The following CEP89 variants were observed in gnomAD, a reference collection of about 807,000 sequenced individuals.
CEP89 encodes centrosomal protein of 89 kDa.
In CEP89, 95 loss-of-function variants were observed where a neutral mutation model predicts 97.6. That is an observed-to-expected ratio of 0.97 (90% CI 0.82 to 1.15). The LOEUF (loss-of-function observed/expected upper bound fraction) is 1.15, where lower values mean the gene tolerates loss of function less well. Among genes scored for constraint, CEP89 ranks in the 50% most tolerant of loss-of-function variants. The pLI is 0.00. For synonymous variants in CEP89, 354 were observed against 349.1 expected (o/e 1.01, Z -0.16); for missense variants, 869 against 947.7 (o/e 0.92, Z 1.09).
chr19:32,891,871 G>A (rs945425155), intron 16 of CEP89, among the ~76,000 whole-genome samples: 7 of 148,040 alleles, frequency 4.7e-5, no homozygotes, highest in Non-Finnish European at 1.0e-4. Context: ...GCAAAAGAAA[G>A]AGAGAAAAAT....
At chr19:32,922,965 G>A (rs1013155752) in intron 12 of CEP89, among the ~76,000 whole-genome samples, 1 of 152,254 alleles carries the variant, frequency 6.6e-6, no homozygotes, top group Non-Finnish European at 1.5e-5. Flanking sequence ...TGCAGAAGGG[G>A]CTTTCGGAGG....
intron 2 of CEP89, among the ~76,000 whole-genome samples, chr19:32,962,557 G>C (rs1272178546): frequency 6.6e-6 from 1 of 152,092 alleles, no homozygotes; most frequent in Non-Finnish European, 1.5e-5. Context: ...CCTTAGGTTA[G>C]GTAAATATTT....
intron 12 of CEP89, among the ~76,000 whole-genome samples, chr19:32,920,634 C>A (rs973596534): frequency 3.0e-4 from 45 of 152,106 alleles, no homozygotes; most frequent in Non-Finnish European, 2.5e-4. Context: ...CAGGCGTGCA[C>A]CACCACACCT....
chr19:32,915,965 C>G (rs995927836), intron 13 of CEP89, among the ~76,000 whole-genome samples: 1 of 148,444 alleles, frequency 6.7e-6, no homozygotes, highest in Admixed American at 6.8e-5. Context: ...TAAATTAACA[C>G]CAAAGGCTTT....
chr19:32,922,481 T>G (rs1055390192), intron 12 of CEP89, among the ~76,000 whole-genome samples: 1 of 151,932 alleles, frequency 6.6e-6, no homozygotes, highest in Non-Finnish European at 1.5e-5. Context: ...AGGTTGAGGC[T>G]GCAGTGAGGT....
At chr19:32,934,382 G>C (rs1970538815) in intron 7 of CEP89, among the ~76,000 whole-genome samples, 1 of 152,194 alleles carries the variant, frequency 6.6e-6, no homozygotes, top group Admixed American at 6.5e-5. Context: ...GGTCACATAG[G>C]ACCTTAAGAA....
chr19:32,915,295 A>C lies in CEP89; in HGVS notation c.1565+42T>G, dbSNP rs768582416. On this transcript the variant is annotated intron_variant, in intron 14 of 18. Transcript: ENST00000305768. ...GCAACATAGCAAGACCCTGTCTCGA[A>C]AAAAGAAAAAAAAAAAAAAAGAAAA... 6 of 1,531,188 alleles carry C rather than the reference A, an allele frequency of 3.9e-6. No homozygotes were observed. The Admixed American group carries it at 1.3e-4, about 32-fold the overall frequency. 94.9% of individuals were successfully genotyped at this position (1,531,188 alleles called of 1,614,324 possible). A position where few individuals can be genotyped will look rare whatever the true frequency, so the allele number is the denominator to read the frequency against.
At chr19:32,880,990 G>A (rs2145864758) in intron 18 of CEP89, among the ~76,000 whole-genome samples, 1 of 152,268 alleles carries the variant, frequency 6.6e-6, no homozygotes, top group East Asian at 1.9e-4. Flanking sequence ...AGGGGTGGGT[G>A]GGAGACCTGC....
intron 3 of CEP89, among the ~76,000 whole-genome samples, chr19:32,959,525 G>A (rs879763577): frequency 3.3e-5 from 5 of 152,194 alleles, no homozygotes; most frequent in African/African-American, 1.2e-4. Context: ...CACGTGAGAG[G>A]TAAGGAGGGA....
At chr19:32,910,357 T>A (rs1020366795) in intron 14 of CEP89, among the ~76,000 whole-genome samples, 3 of 151,214 alleles carry the variant, frequency 2.0e-5, no homozygotes, top group African/African-American at 7.3e-5. Context: ...ACAGGGCACT[T>A]AACCATGAAT....
intron 12 of CEP89, among the ~76,000 whole-genome samples, chr19:32,921,426 A>G (rs1970247794): frequency 2.6e-5 from 4 of 152,190 alleles, no homozygotes; most frequent in African/African-American, 9.6e-5. Context: ...GCTGGCGGCC[A>G]GGGAGGCCCT....
intron 9 of CEP89, among the ~76,000 whole-genome samples, chr19:32,927,738 C>G (rs1489080528): frequency 6.6e-6 from 1 of 151,662 alleles, no homozygotes; most frequent in African/African-American, 2.4e-5. Context: ...CTGAGCAGCT[C>G]AGACTACAAG....
chr19:32,895,536 C>G (rs1286136246), intron 16 of CEP89, among the ~76,000 whole-genome samples: 1 of 152,036 alleles, frequency 6.6e-6, no homozygotes, highest in African/African-American at 2.4e-5. Context: ...AAGCAAAAAG[C>G]CTTTCCTCTC....
chr19:32,967,461 C>T (rs969518815), intron 1 of CEP89, among the ~76,000 whole-genome samples: 3 of 139,716 alleles, frequency 2.1e-5, no homozygotes, highest in African/African-American at 8.1e-5. Flanking sequence ...TATTACAGAA[C>T]ATAGAATTAT....
chr19:32,945,868 CT>C (rs1352919215), intron 5 of CEP89, among the ~76,000 whole-genome samples: 1 of 152,160 alleles, frequency 6.6e-6, no homozygotes, highest in Admixed American at 6.5e-5. Context: ...TCCTGGCCCC[CT>C]ATCCCAGTGA....
At chr19:32,907,439 T>C (rs963738686) in intron 14 of CEP89, among the ~76,000 whole-genome samples, 7 of 149,652 alleles carry the variant, frequency 4.7e-5, no homozygotes, top group African/African-American at 9.9e-5. Flanking sequence ...CCTCCAAACA[T>C]GTCTGTGGTT....
chr19:32,960,010 C>T lies in CEP89; in HGVS notation c.195G>A (p.Thr65=), dbSNP rs774749326. The change falls in exon 3 of 19, where the codon ACG becomes ACA. Residue 65 remains threonine (T), a synonymous_variant. Transcript: ENST00000305768. ...AILATTLTGR[T]VAIPQPRQRS... is the part of the protein sequence containing the mutation. ...TCTGGCGAGGCTGAGGAATAGCAAC[C>T]GTCCGCCCAGTCAATGTTGTCGCCA... The T allele has an allele frequency of 7.4e-6, 12 of 1,614,072 alleles. No homozygotes were observed. The Admixed American group carries it at 8.3e-5, about 11-fold the overall frequency.
intron 14 of CEP89, among the ~76,000 whole-genome samples, chr19:32,907,853 C>G (rs1969920905): frequency 6.6e-6 from 1 of 152,228 alleles, no homozygotes. Context: ...TCCCAAAGTG[C>G]TGGGATTACA....
In CEP89 at chr19:32,966,410, C is replaced by T. The variant is rs1243209624; in HGVS notation, c.96G>A (p.Val32=). 6.4e-6 allele frequency: 10 copies of T among 1,562,752 alleles called. No homozygotes were observed. In the Admixed American group the frequency reaches 1.8e-4, roughly 29 times the overall value. ...PAASVAPKAA[V]PRTPPPRSPN... ...GGCTGCGGGGAGGAGGTGTGCGTGG[C>T]ACAGCTGCCTTCGGAGCAACGCTGG... is the stretch of plus-strand genomic sequence containing the variant. The change falls in exon 2 of 19, where the codon GTG becomes GTA. Residue 32 remains valine (V), a synonymous_variant. Coordinates refer to ENST00000305768, the MANE Select transcript of CEP89 (RefSeq NM_032816.5).
Sources: gnomAD v4.1 joint callset for allele counts (sites outside exome capture counted in the v4.1 genomes callset) on GRCh38, gnomAD v4.1.1 for gene constraint, MANE v1.5 for transcripts, NCBI Gene and HGNC (gene_info 2026-07-23, HGNC 2026-07-21) for gene names.